Variants in MERTK observed in about 807,000 individuals in gnomAD.
MERTK encodes the protein MER proto-oncogene, tyrosine kinase.
MERTK carries 69 observed loss-of-function variants against 99.3 expected under a neutral mutation model. The observed-to-expected ratio is 0.70, with a 90% CI of 0.57 to 0.85. The LOEUF (loss-of-function observed/expected upper bound fraction) is 0.85, where lower values mean the gene tolerates loss of function less well. Ranked by LOEUF, MERTK falls within the 40% of genes least tolerant of loss-of-function variation. The probability of loss-of-function intolerance (pLI) is 0.00; values close to 1 mark genes in which losing one functional copy is unlikely to be tolerated. For missense variants in MERTK, 1,125 were observed against 1,249.4 expected (o/e 0.90, Z 1.50); for synonymous variants, 426 against 467.6 (o/e 0.91, Z 1.15).
At chr2:111,907,569 C>T (rs1195291200) in intron 1 of MERTK, among the ~76,000 whole-genome samples, 1 of 152,174 alleles carries the variant, frequency 6.6e-6, no homozygotes, top group Non-Finnish European at 1.5e-5. Flanking sequence ...TATTGGATCT[C>T]CCCAAACACA....
Position 112,004,111 on chromosome 2 carries a change from A to G in MERTK, c.1867+127A>G, listed in dbSNP as rs1676931830. On this transcript the variant is annotated intron_variant, in intron 13 of 18. Coordinates refer to ENST00000295408, the MANE Select transcript of MERTK (RefSeq NM_006343.3). ...CAGAAGGCAATGTGGAACACTGGTC[A>G]CCAAGGGGGACTTACTTTAATGAGC... The G allele has an allele frequency of 2.5e-5, 19 of 760,872 alleles. 1 individual carries two copies. In the South Asian group the frequency reaches 2.7e-4, roughly 11 times the overall value. The allele number at this position is 760,872 out of a possible 1,614,324, so 47.1% of individuals were successfully genotyped here. A position where few individuals can be genotyped will look rare whatever the true frequency, so the allele number is the denominator to read the frequency against.
intron 1 of MERTK, among the ~76,000 whole-genome samples, chr2:111,914,110 T>C (rs1389960023): frequency 4.3e-5 from 6 of 139,006 alleles, no homozygotes; most frequent in Non-Finnish European, 6.2e-5. Flanking sequence ...TCTTTTTTTT[T>C]TTTTTTTTTT....
chr2:111,973,656 C>T (rs1056221360), intron 6 of MERTK, among the ~76,000 whole-genome samples: 2 of 152,110 alleles, frequency 1.3e-5, no homozygotes, highest in Non-Finnish European at 2.9e-5. Context: ...CTCTCAGTTG[C>T]ATGTTTTACC....
intron 4 of MERTK, among the ~76,000 whole-genome samples, chr2:111,953,369 T>G (rs1246027270): frequency 1.3e-5 from 2 of 152,220 alleles, no homozygotes; most frequent in African/African-American, 4.8e-5. Flanking sequence ...TGTGAAGGGT[T>G]TGGAAAGTGG....
At chr2:112,019,809 A>C (rs1233113890) in intron 16 of MERTK, among the ~76,000 whole-genome samples, 1 of 152,200 alleles carries the variant, frequency 6.6e-6, no homozygotes, top group African/African-American at 2.4e-5. Flanking sequence ...ATCCTTCCCC[A>C]GCCATCAGCT....
At position 111,994,357 on chromosome 2, in the gene MERTK, GA is replaced by G. The variant is rs1221819958; in HGVS notation, c.1404del (p.Val469LeufsTer8). 6.2e-7 allele frequency: 1 copy of G among 1,614,064 alleles called. No homozygotes were observed. The highest frequency in any genetic ancestry group is 1.3e-5 in the African/African-American group (1 of 74,916). On this transcript the variant is annotated frameshift_variant, in exon 9 of 19. Transcript: ENST00000295408. LOFTEE classifies it high-confidence loss of function. Reference protein sequence around the residue: ...TVRIAAVTRGGVGPFSDPVKI... With the variant: ...TVRIAAVTRGXVGPFSDPVKI... Reference sequence around the variant, plus strand: ...AGGATTGCAGCCGTCACCAGAGGGGGAGTTGGGCCCTTCAGTGATCCAGTGA... The same window carrying G: ...AGGATTGCAGCCGTCACCAGAGGGGGGTTGGGCCCTTCAGTGATCCAGTGA...
chr2:111,972,876 T>G (rs1354762345), intron 6 of MERTK, among the ~76,000 whole-genome samples: 1 of 152,250 alleles, frequency 6.6e-6, no homozygotes, highest in East Asian at 1.9e-4. Context: ...ATCTTTTCTA[T>G]TCTGTCATTA....
At chr2:111,969,617 C>T in intron 6 of MERTK, among the ~76,000 whole-genome samples, 1 of 152,036 alleles carries the variant, frequency 6.6e-6, no homozygotes, top group Non-Finnish European at 1.5e-5. Flanking sequence ...AACAGGTGTT[C>T]CTTCCCTGAA....
chr2:112,020,562 A>G (rs1183175291), intron 16 of MERTK: 3 of 470,824 alleles, frequency 6.4e-6, no homozygotes, highest in South Asian at 3.1e-5. Context: ...TTGGGCTACA[A>G]ATGCAGTTGT....
intron 1 of MERTK, among the ~76,000 whole-genome samples, chr2:111,905,433 CTTTTT>C (rs61232340): frequency 3.5e-5 from 3 of 85,266 alleles, no homozygotes; most frequent in Middle Eastern, 0.031. Context: ...CTACACTGTT[CTTTTT>C]TTTTTTTTTT....
At chr2:111,993,265 G>A (rs754582743) in intron 8 of MERTK, among the ~76,000 whole-genome samples, 26 of 152,136 alleles carry the variant, frequency 1.7e-4, no homozygotes, top group Non-Finnish European at 3.4e-4. Context: ...CCTTGGTCAT[G>A]AATGATGGAC....
At chr2:111,998,148 C>A (rs2104402648) in intron 10 of MERTK, among the ~76,000 whole-genome samples, 1 of 152,302 alleles carries the variant, frequency 6.6e-6, no homozygotes, top group South Asian at 2.1e-4. Context: ...GATTGGCAGC[C>A]AGGCTACGCT....
At chr2:111,934,429 A>G (rs1243959867) in intron 2 of MERTK, among the ~76,000 whole-genome samples, 1 of 152,196 alleles carries the variant, frequency 6.6e-6, no homozygotes, top group African/African-American at 2.4e-5. Flanking sequence ...CTGGTGTGAG[A>G]TGGTATCTCA....
intron 1 of MERTK, among the ~76,000 whole-genome samples, chr2:111,899,805 C>G (rs1684010894): frequency 6.6e-6 from 1 of 152,028 alleles, no homozygotes; most frequent in Non-Finnish European, 1.5e-5. Context: ...CGTGAGCCAC[C>G]GCGCCCGGCT....
intron 7 of MERTK, among the ~76,000 whole-genome samples, chr2:111,982,459 T>A (rs1676391736): frequency 6.6e-6 from 1 of 152,230 alleles, no homozygotes; most frequent in Admixed American, 6.5e-5. Flanking sequence ...CATGTCTCAC[T>A]GTAGCCTCAA....
intron 1 of MERTK, among the ~76,000 whole-genome samples, chr2:111,925,275 G>GATATAGATATAT (rs1684534967): frequency 1.9e-5 from 1 of 52,188 alleles, no homozygotes. Flanking sequence ...GTACAGATCA[G>GATATAGATATAT]ATATATATAT....
chr2:111,913,756 C>T (rs1684294973), intron 1 of MERTK, among the ~76,000 whole-genome samples: 1 of 152,132 alleles, frequency 6.6e-6, no homozygotes, highest in African/African-American at 2.4e-5. Flanking sequence ...ACCATTTTGG[C>T]CAGGCTGGTG....
intron 7 of MERTK, among the ~76,000 whole-genome samples, chr2:111,978,135 TTGTTTTTTGGTTGTTTTTTG>T (rs1676292008): frequency 2.0e-5 from 3 of 150,000 alleles, no homozygotes; most frequent in Admixed American, 6.6e-5. Context: ...TTTTTATGTT[TTGTTTTTTGGTTGTTTTTTG>T]TTTTTTTTTT....
At chr2:111,979,680 T>C (rs1027233522) in intron 7 of MERTK, among the ~76,000 whole-genome samples, 11 of 152,324 alleles carry the variant, frequency 7.2e-5, no homozygotes, top group African/African-American at 2.6e-4. Flanking sequence ...TTCTTGGAGA[T>C]TTACTTGATT....
Sources: gnomAD v4.1 joint callset for allele counts (sites outside exome capture counted in the v4.1 genomes callset) on GRCh38, gnomAD v4.1.1 for gene constraint, MANE v1.5 for transcripts, NCBI Gene and HGNC (gene_info 2026-07-23, HGNC 2026-07-21) for gene names.